TRPV3: variants seen among roughly 807,000 people sequenced by gnomAD.
TRPV3 encodes transient receptor potential cation channel subfamily V member 3.
Under a neutral mutation model 87.1 loss-of-function variants are expected in TRPV3, and 88 were observed. That is an observed-to-expected ratio of 1.01 (90% CI 0.85 to 1.21). The LOEUF is 1.21. TRPV3 is among the 50% of genes most tolerant of loss of function. The pLI is 0.00. For synonymous variants in TRPV3, 438 were observed against 423.3 expected, an observed-to-expected ratio of 1.03 and a Z score of -0.43; for missense variants, 1,054 against 1,030.1, an observed-to-expected ratio of 1.02 and a Z score of -0.32.
At chr17:3,535,167 GCCCTCCTTCCTCCTCCCTTCCTCCCTCT>G (rs1269346068) in intron 7 of TRPV3, among the ~76,000 whole-genome samples, 1 of 78,808 alleles carries the variant, frequency 1.3e-5, no homozygotes, top group Non-Finnish European at 2.4e-5. Flanking sequence ...CTCTCCCTCC[GCCCTCCTTCCTCCTCCCTTCCTCCCTCT>G]CCCTCCTCCT....
At chr17:3,542,833 G>C in intron 5 of TRPV3, 135 bp from the exon 6 acceptor site, 1 of 893,512 alleles carries the variant, frequency 1.1e-6, no homozygotes, top group Non-Finnish European at 1.7e-6. Flanking sequence ...CCTTACACTT[G>C]GCCGCTCTCC....
At chr17:3,527,732 G>A in intron 11 of TRPV3, 2 of 440,310 alleles carry the variant, frequency 4.5e-6, no homozygotes, top group South Asian at 2.2e-5. Flanking sequence ...CATGAAAGAG[G>A]GCAGGTGATC....
In TRPV3 at chr17:3,532,947, G is replaced by A. The variant is rs2074362735; in HGVS notation, c.785-10C>T. On this transcript the variant is annotated splice_polypyrimidine_tract_variant and intron_variant, in intron 7 of 17. Coordinates refer to ENST00000576742, the MANE Select transcript of TRPV3 (RefSeq NM_145068.4). ...GCCAGGGGCGTCTCACCTGGGGGAT[G>A]AGCGCACTGAAGCTTGGTTCTCTCA... 4 of 1,612,408 alleles carry A rather than the reference G, an allele frequency of 2.5e-6. No individual in the cohort carries two copies. Among genetic ancestry groups the A allele is most frequent in the Non-Finnish European group, 3.4e-6 (4 of 1,179,318 alleles).
In TRPV3 at chr17:3,513,703, G is replaced by A. The variant is rs1442078774; in HGVS notation, c.*214C>T. ...GGCTGTAGGTTTACACCAGCTGTTT[G>A]CCAAGTAACAAAATCCAGGATGTTT... On this transcript the variant is annotated 3_prime_UTR_variant, in exon 18 of 18. Transcript: ENST00000576742. 1.2e-5 allele frequency: 6 copies of A among 485,156 alleles called. No individual in the cohort carries two copies. The highest frequency in any genetic ancestry group is 9.7e-5 in the African/African-American group (5 of 51,812). 30.1% of individuals were successfully genotyped at this position (485,156 alleles called of 1,614,324 possible). A position where few individuals can be genotyped will look rare whatever the true frequency, so the allele number is the denominator to read the frequency against.
At chr17:3,542,997 G>C (rs1396311886) in intron 5 of TRPV3, among the ~76,000 whole-genome samples, 1 of 151,542 alleles carries the variant, frequency 6.6e-6, no homozygotes, top group East Asian at 1.9e-4. Context: ...TCTCCAGCCT[G>C]CCCCCTCCTC....
In TRPV3 at chr17:3,524,250, T is replaced by C. The variant is rs918264144; in HGVS notation, c.1691A>G (p.Tyr564Cys). Residue 564 changes from tyrosine to cysteine, a missense_variant, in exon 13 of 18, where the codon TAC becomes TGC. Tyr to Cys is a radical substitution (Grantham distance 194, BLOSUM62 -2). Transcript: ENST00000576742. Reference sequence around the variant, plus strand: ...CATGGACTGGAAACCCCGCGTATAGTAGAGCATGTTCGCCCAGCCCAGGGC... The same window carrying C: ...CATGGACTGGAAACCCCGCGTATAGCAGAGCATGTTCGCCCAGCCCAGGGC... ...AMALGWANML[Y>C]YTRGFQSMGM... 7 of 1,614,222 alleles carry C rather than the reference T, an allele frequency of 4.3e-6. No homozygotes were observed. Among genetic ancestry groups the C allele is most frequent in the Middle Eastern group, 1.6e-4 (1 of 6,062 alleles).
intron 11 of TRPV3, among the ~76,000 whole-genome samples, chr17:3,527,155 C>T (rs1342156601): frequency 6.6e-6 from 1 of 152,168 alleles, no homozygotes; most frequent in African/African-American, 2.4e-5. Flanking sequence ...TCACTCCTTA[C>T]CCCATCCTCA....
In TRPV3 at chr17:3,556,081, G is replaced by A. The variant is rs1248248189; in HGVS notation, c.-2-1229C>T. ...AGTCCCAGCTAGTCGGGAGGCTGAG[G>A]CAGGAGAATCACTTGAATCCAGGAG... On this transcript the variant is annotated intron_variant, in intron 1 of 17. Transcript: ENST00000576742. The surrounding 1 kb of genome is among the most constrained non-coding windows in gnomAD (Gnocchi z 4.2). Among the ~76,000 whole-genome samples the A allele has an allele frequency of 6.6e-6, 1 of 151,876 alleles. No individual in the cohort carries two copies. Among genetic ancestry groups the A allele is most frequent in the Non-Finnish European group, 1.5e-5 (1 of 67,992 alleles).
At chr17:3,539,629 C>A (rs956611086) in intron 6 of TRPV3, 1 of 149,022 alleles carries the variant, frequency 6.7e-6, no homozygotes, top group Non-Finnish European at 1.5e-5. Flanking sequence ...CTCCAGCCTG[C>A]CCAACAGAGT....
intron 6 of TRPV3, among the ~76,000 whole-genome samples, chr17:3,540,203 A>T (rs1472352292): frequency 6.6e-6 from 1 of 152,196 alleles, no homozygotes; most frequent in African/African-American, 2.4e-5. Flanking sequence ...TTTAGAGTGG[A>T]CAATCAGAGT....
At chr17:3,550,520 C>CTTTTTTTT (rs35400667) in intron 2 of TRPV3, among the ~76,000 whole-genome samples, 4 of 92,182 alleles carry the variant, frequency 4.3e-5, no homozygotes, top group Admixed American at 1.5e-4. Flanking sequence ...CCTGCCTGCT[C>CTTTTTTTT]TTTTTTTTTT....
rs775545442 is a variant in TRPV3 at position 3,524,195 on chromosome 17, C to T, written c.1743+3G>A. On this transcript the variant is annotated splice_donor_region_variant and intron_variant, in intron 13 of 17. Transcript: ENST00000576742. ...CCTCCCGCCGGCGCAGCTCTCAACGCACCTTCTGGATCATGACGCTGTACA... is the reference window on the plus strand; with the variant it reads ...CCTCCCGCCGGCGCAGCTCTCAACGTACCTTCTGGATCATGACGCTGTACA... The T allele has an allele frequency of 1.2e-6, 2 of 1,613,744 alleles. No individual in the cohort carries two copies. Among genetic ancestry groups the T allele is most frequent in the African/African-American group, 1.3e-5 (1 of 75,040 alleles).
At chr17:3,521,130 C>G (rs1031572929) in intron 13 of TRPV3, 91 bp from the exon 14 acceptor site, 5 of 471,562 alleles carry the variant, frequency 1.1e-5, no homozygotes, top group Admixed American at 2.8e-5. Flanking sequence ...TCCCACCCCC[C>G]ACCCTAACTG....
In TRPV3 at chr17:3,555,777, G is replaced by A. The variant is rs553213582; in HGVS notation, c.-2-925C>T. 2.2e-3 allele frequency among the ~76,000 whole-genome samples: 335 copies of A among 150,910 alleles called. 1 individual carries two copies. The highest frequency in any genetic ancestry group is 3.4e-3 in the Non-Finnish European group (230 of 68,008). On this transcript the variant is annotated intron_variant, in intron 1 of 17. Coordinates refer to ENST00000576742, the MANE Select transcript of TRPV3 (RefSeq NM_145068.4). ...TGGGAGGGTCAGGAGTGGCAGGAGT[G>A]GGGGGAGCTGCTGTGGCCAGAGAAC...
In TRPV3 at chr17:3,535,583, G is replaced by C; in HGVS notation, c.774C>G (p.Gly258=). ...AFFNPKYQHE[G]FYFGETPLAL... Reference sequence around the variant, plus strand: ...GGGGGCGGCACCCACCGAAGTAGAAGCCTTCGTGTTGGTACTTGGGGTTGA... The same window carrying C: ...GGGGGCGGCACCCACCGAAGTAGAACCCTTCGTGTTGGTACTTGGGGTTGA... Residue 258 remains glycine, a synonymous_variant, in exon 7 of 18, where the codon GGC becomes GGG. Transcript: ENST00000576742. 1 of 1,603,762 alleles carries C rather than the reference G, an allele frequency of 6.2e-7. No individual in the cohort carries two copies. The highest frequency in any genetic ancestry group is 8.5e-7 in the Non-Finnish European group (1 of 1,176,252).
intron 7 of TRPV3, among the ~76,000 whole-genome samples, chr17:3,533,717 T>G (rs1390479680): frequency 1.3e-5 from 2 of 152,188 alleles, no homozygotes; most frequent in African/African-American, 4.8e-5. Context: ...CAGGATGGTC[T>G]TGAACTCCTG....
chr17:3,527,918 A>T, intron 11 of TRPV3, 107 bp downstream of exon 11: 1 of 875,492 alleles, frequency 1.1e-6, no homozygotes, highest in South Asian at 1.4e-5. Context: ...TTGGGAAGGA[A>T]ACGCCTCCCC....
chr17:3,527,307 C>T (rs1004170309), intron 11 of TRPV3, among the ~76,000 whole-genome samples: 1 of 152,152 alleles, frequency 6.6e-6, no homozygotes, highest in Non-Finnish European at 1.5e-5. Context: ...GTCCTCGTGC[C>T]CAATCCTACC....
At chr17:3,516,207 A>C (rs2074181925) in intron 16 of TRPV3, among the ~76,000 whole-genome samples, 1 of 151,762 alleles carries the variant, frequency 6.6e-6, no homozygotes, top group South Asian at 2.1e-4. Context: ...AAAAGAAGAA[A>C]GAAAAATGCA....
Sources: gnomAD v4.1 joint callset for allele counts (sites outside exome capture counted in the v4.1 genomes callset) on GRCh38, gnomAD v4.1.1 for gene constraint, Gnocchi (gnomAD v3.1) non-coding constraint, MANE v1.5 for transcripts, NCBI Gene and HGNC (gene_info 2026-07-23, HGNC 2026-07-21) for gene names.